Variants in GPC6 observed in about 807,000 individuals in gnomAD.
GPC6 encodes the protein glypican-6.
In GPC6, 14 loss-of-function variants were observed where a neutral mutation model predicts 55.2. That is an observed-to-expected ratio of 0.25 (90% CI 0.17 to 0.40). The LOEUF (loss-of-function observed/expected upper bound fraction) is 0.40. GPC6 is among the 10% of genes least tolerant of loss of function. GPC6 has a pLI of 1.00. For missense variants in GPC6, 641 were observed against 708.5 expected, an observed-to-expected ratio of 0.90 and a Z score of 1.08; for synonymous variants, 278 against 259.6, an observed-to-expected ratio of 1.07 and a Z score of -0.68.
At chr13:93,508,517 G>A (rs930605077) in intron 1 of GPC6, among the ~76,000 whole-genome samples, 4 of 152,176 alleles carry the variant, frequency 2.6e-5, no homozygotes, top group Admixed American at 6.5e-5. Context: ...ACAAAGGCTG[G>A]ATTTTATTCT....
At chr13:94,374,185 T>A (rs1410663749) in intron 6 of GPC6, among the ~76,000 whole-genome samples, 1 of 150,066 alleles carries the variant, frequency 6.7e-6, no homozygotes, top group African/African-American at 2.4e-5. Flanking sequence ...GCTAACATCA[T>A]AATGACAGGA....
At chr13:93,636,407 T>G (rs1488240237) in intron 2 of GPC6, among the ~76,000 whole-genome samples, 2 of 152,160 alleles carry the variant, frequency 1.3e-5, no homozygotes, top group African/African-American at 2.4e-5. Flanking sequence ...AAAACTAGTA[T>G]TTATAGTGAC....
intron 1 of GPC6, among the ~76,000 whole-genome samples, chr13:93,292,142 G>A (rs1427109145): frequency 6.6e-6 from 1 of 152,128 alleles, no homozygotes; most frequent in Admixed American, 6.5e-5. Flanking sequence ...TAGCAAACTT[G>A]CCAGTGGTTA....
intron 3 of GPC6, among the ~76,000 whole-genome samples, chr13:93,867,953 C>A (rs907946767): frequency 6.6e-6 from 1 of 151,680 alleles, no homozygotes; most frequent in Non-Finnish European, 1.5e-5. Context: ...TACACAGAGA[C>A]GAGGTAACAT....
chr13:94,165,233 CAT>C (rs898583493), intron 4 of GPC6, among the ~76,000 whole-genome samples: 5 of 145,910 alleles, frequency 3.4e-5, no homozygotes, highest in East Asian at 4.0e-4. Flanking sequence ...GAATACTATT[CAT>C]ATATATATGT....
intron 8 of GPC6, among the ~76,000 whole-genome samples, chr13:94,401,018 G>A (rs1470018254): frequency 6.6e-6 from 1 of 152,076 alleles, no homozygotes; most frequent in Non-Finnish European, 1.5e-5. Context: ...TTTCCATCAG[G>A]CATCATTGGC....
chr13:93,667,735 G>GTTTGTTTTTT (rs1555322122), intron 2 of GPC6, among the ~76,000 whole-genome samples: 5 of 123,168 alleles, frequency 4.1e-5, no homozygotes, highest in African/African-American at 7.4e-5. Flanking sequence ...GCCAGGACTT[G>GTTTGTTTTTT]TTTTTTTTTT....
At chr13:93,632,590 A>AATATATATATGTGTATTT (rs71202591) in intron 2 of GPC6, among the ~76,000 whole-genome samples, 1 of 99,298 alleles carries the variant, frequency 1.0e-5, no homozygotes, top group African/African-American at 3.0e-5. Context: ...CCATGTCTCA[A>AATATATATATGTGTATTT]ATATATGTAT....
intron 3 of GPC6, among the ~76,000 whole-genome samples, chr13:93,896,135 A>G (rs1875998986): frequency 6.6e-6 from 1 of 152,088 alleles, no homozygotes; most frequent in Admixed American, 6.6e-5. Context: ...GTATGCTTGT[A>G]TCAAAACATC....
chr13:93,658,719 AATATT>A (rs1414223165), intron 2 of GPC6, among the ~76,000 whole-genome samples: 2 of 151,872 alleles, frequency 1.3e-5, no homozygotes, highest in East Asian at 3.9e-4. Context: ...AGTTATTACT[AATATT>A]AAATATTATA....
chr13:93,753,671 T>C (rs1884673952), intron 2 of GPC6, among the ~76,000 whole-genome samples: 1 of 152,036 alleles, frequency 6.6e-6, no homozygotes, highest in Non-Finnish European at 1.5e-5. Context: ...AAACAGTAGG[T>C]CTTATTCATC....
chr13:94,141,740 C>T (rs1887385050), intron 4 of GPC6, among the ~76,000 whole-genome samples: 1 of 152,100 alleles, frequency 6.6e-6, no homozygotes, highest in South Asian at 2.1e-4. Flanking sequence ...AGAAAAGAAT[C>T]AGAATTTTTT....
At chr13:93,712,653 T>C (rs955115098) in intron 2 of GPC6, among the ~76,000 whole-genome samples, 3 of 151,722 alleles carry the variant, frequency 2.0e-5, no homozygotes, top group African/African-American at 7.3e-5. Context: ...GTAGTTTTTC[T>C]ATCCAATATT....
intron 4 of GPC6, among the ~76,000 whole-genome samples, chr13:94,139,614 C>T (rs1202115467): frequency 1.3e-5 from 2 of 152,136 alleles, no homozygotes; most frequent in African/African-American, 4.8e-5. Flanking sequence ...TTAGACAGTA[C>T]CCCACCTGTC....
intron 3 of GPC6, among the ~76,000 whole-genome samples, chr13:93,947,676 A>T (rs1879072607): frequency 6.6e-6 from 1 of 152,016 alleles, no homozygotes; most frequent in Admixed American, 6.5e-5. Context: ...GGGAATTAAC[A>T]CTGCTTAGCA....
At chr13:93,577,393 G>C (rs1488646502) in intron 2 of GPC6, among the ~76,000 whole-genome samples, 1 of 152,130 alleles carries the variant, frequency 6.6e-6, no homozygotes, top group Non-Finnish European at 1.5e-5. Context: ...TCATACTGCT[G>C]TGACTTTTCC....
intron 3 of GPC6, among the ~76,000 whole-genome samples, chr13:93,864,092 G>A (rs901350073): frequency 6.6e-6 from 1 of 151,538 alleles, no homozygotes; most frequent in Non-Finnish European, 1.5e-5. Flanking sequence ...TTGTATTTTG[G>A]ATATACCATA....
intron 1 of GPC6, among the ~76,000 whole-genome samples, chr13:93,422,534 A>G (rs1876959767): frequency 6.6e-6 from 1 of 152,218 alleles, no homozygotes; most frequent in Non-Finnish European, 1.5e-5. Flanking sequence ...AAAATCACCT[A>G]CAATCTATTG....
At chr13:94,143,218 G>A (rs1887447080) in intron 4 of GPC6, among the ~76,000 whole-genome samples, 1 of 151,962 alleles carries the variant, frequency 6.6e-6, no homozygotes, top group African/African-American at 2.4e-5. Flanking sequence ...TCAAGATTAG[G>A]TGAGATTGTC....
Sources: gnomAD v4.1 joint callset for allele counts (sites outside exome capture counted in the v4.1 genomes callset) on GRCh38, gnomAD v4.1.1 for gene constraint, MANE v1.5 for transcripts, NCBI Gene and HGNC (gene_info 2026-07-23, HGNC 2026-07-21) for gene names.